The following ARL15 variants were observed in gnomAD, a reference collection of about 807,000 sequenced individuals.
The protein encoded by ARL15 is ADP-ribosylation factor-like protein 15.
ARL15 carries 19 observed loss-of-function variants against 25.2 expected under a neutral mutation model. The observed-to-expected ratio is 0.75, with a 90% confidence interval of 0.53 to 1.10. The LOEUF (loss-of-function observed/expected upper bound fraction) is 1.10, where lower values mean the gene tolerates loss of function less well. Ranked by LOEUF, ARL15 falls within the 50% of genes least tolerant of loss-of-function variation. The pLI, the probability that ARL15 is intolerant of heterozygous loss-of-function variation, is 0.00. For missense variants in ARL15, 220 were observed against 246.0 expected, an observed-to-expected ratio of 0.89 and a Z score of 0.71; for synonymous variants, 94 against 86.8, an observed-to-expected ratio of 1.08 and a Z score of -0.46.
intron 4 of ARL15, among the ~76,000 whole-genome samples, chr5:53,947,688 G>A (rs1259804870): frequency 6.6e-6 from 1 of 152,088 alleles, no homozygotes; most frequent in Non-Finnish European, 1.5e-5. Context: ...ATGCAGCTCT[G>A]GGACTAGACC....
At chr5:54,015,535 C>A (rs538225997) in intron 4 of ARL15, among the ~76,000 whole-genome samples, 13 of 152,060 alleles carry the variant, frequency 8.5e-5, no homozygotes, top group Non-Finnish European at 5.9e-5. Flanking sequence ...AAAATGATTA[C>A]GGATATTAGA....
At chr5:54,160,484 C>A (rs1273852323) in intron 2 of ARL15, among the ~76,000 whole-genome samples, 1 of 151,866 alleles carries the variant, frequency 6.6e-6, no homozygotes, top group African/African-American at 2.4e-5. Context: ...TTCCATTCCT[C>A]TGCTTCAAAA....
chr5:53,900,273 G>C (rs1350975188), intron 4 of ARL15, among the ~76,000 whole-genome samples: 1 of 152,182 alleles, frequency 6.6e-6, no homozygotes, highest in Non-Finnish European at 1.5e-5. Flanking sequence ...GAAAACTGCA[G>C]GTGTGATTGA....
intron 4 of ARL15, among the ~76,000 whole-genome samples, chr5:53,956,158 T>C (rs1182210552): frequency 6.6e-6 from 1 of 152,060 alleles, no homozygotes; most frequent in Non-Finnish European, 1.5e-5. Flanking sequence ...TTGTGGCTCC[T>C]GGCATTCAAG....
At position 54,049,393 on chromosome 5, in the gene ARL15, A is replaced by T. The variant is rs752303540; in HGVS notation, c.462+63809T>A. Among the ~76,000 whole-genome samples the T allele has an allele frequency of 1.0e-3, 155 of 152,172 alleles. 1 individual carries two copies. The highest frequency in any genetic ancestry group is 9.2e-4 in the Admixed American group (14 of 15,280). On this transcript the variant is annotated intron_variant, in intron 4 of 4. Coordinates refer to ENST00000504924, the MANE Select transcript of ARL15 (RefSeq NM_019087.3). ...TCAGCTGGGACTGCAGGCATGAGCC[A>T]CCATGCCCAGCACTATACATAGGTA...
chr5:54,140,014 G>C (rs1007733547), intron 3 of ARL15, among the ~76,000 whole-genome samples: 1 of 152,044 alleles, frequency 6.6e-6, no homozygotes, highest in African/African-American at 2.4e-5. Flanking sequence ...CCTACAACTT[G>C]ATAAATGTTT....
chr5:54,075,377 T>C (rs1350671691), intron 4 of ARL15: 1 of 153,092 alleles, frequency 6.5e-6, no homozygotes, highest in Non-Finnish European at 1.5e-5. Context: ...CTACTTTACA[T>C]AATTTTTCTA....
At chr5:54,286,751 G>A (rs1250392185) in intron 1 of ARL15, among the ~76,000 whole-genome samples, 1 of 151,996 alleles carries the variant, frequency 6.6e-6, no homozygotes, top group Non-Finnish European at 1.5e-5. Context: ...TTCTAACTTA[G>A]AGTAAAATAA....
chr5:54,008,506 C>T (rs1019547761), intron 4 of ARL15, among the ~76,000 whole-genome samples: 2 of 152,146 alleles, frequency 1.3e-5, no homozygotes, highest in African/African-American at 2.4e-5. Flanking sequence ...TGGCATTACA[C>T]GAAGCTAGAA....
chr5:54,187,033 G>A (rs1024575988), intron 1 of ARL15, among the ~76,000 whole-genome samples: 1 of 152,112 alleles, frequency 6.6e-6, no homozygotes, highest in Non-Finnish European at 1.5e-5. Flanking sequence ...TAACAGAAAA[G>A]CAATTCATTG....
At chr5:53,901,211 G>C (rs1745056075) in intron 4 of ARL15, among the ~76,000 whole-genome samples, 1 of 151,992 alleles carries the variant, frequency 6.6e-6, no homozygotes, top group Non-Finnish European at 1.5e-5. Context: ...TCTTTCAAAA[G>C]AGCATTCATT....
intron 4 of ARL15, among the ~76,000 whole-genome samples, chr5:53,937,622 A>ATGTT (rs1240643754): frequency 6.6e-6 from 1 of 152,182 alleles, no homozygotes; most frequent in African/African-American, 2.4e-5. Context: ...TATTCAGTAC[A>ATGTT]TGTTGTACAG....
chr5:53,974,358 G>T (rs702635), intron 4 of ARL15, among the ~76,000 whole-genome samples: 55,851 of 152,050 alleles, frequency 0.37, 11,167 homozygotes, highest in Middle Eastern at 0.47. Flanking sequence ...TAGGTGATTT[G>T]TTTTCCTCCT....
At chr5:54,121,830 T>C (rs1185594913) in intron 3 of ARL15, among the ~76,000 whole-genome samples, 2 of 152,192 alleles carry the variant, frequency 1.3e-5, no homozygotes, top group Non-Finnish European at 2.9e-5. Flanking sequence ...AAAATAATAA[T>C]ACTTAATTAC....
chr5:54,154,244 C>A, intron 3 of ARL15: 2 of 186,842 alleles, frequency 1.1e-5, no homozygotes, highest in Non-Finnish European at 1.1e-5. Context: ...AATCTTTTCC[C>A]CGAATAGTTG....
intron 1 of ARL15, among the ~76,000 whole-genome samples, chr5:54,253,996 C>G (rs959029682): frequency 4.6e-5 from 7 of 152,184 alleles, no homozygotes; most frequent in African/African-American, 1.7e-4. Flanking sequence ...AGATCACTAA[C>G]AAGTTTCTTA....
At chr5:54,058,212 C>T (rs1247025511) in intron 4 of ARL15, among the ~76,000 whole-genome samples, 1 of 151,798 alleles carries the variant, frequency 6.6e-6, no homozygotes, top group African/African-American at 2.4e-5. Flanking sequence ...CACCATGTTG[C>T]CCGGGCTGGT....
chr5:54,289,648 T>C (rs2112686560), intron 1 of ARL15, among the ~76,000 whole-genome samples: 1 of 152,282 alleles, frequency 6.6e-6, no homozygotes, highest in South Asian at 2.1e-4. Context: ...TAAGACTTTC[T>C]GGAATCAAAT....
chr5:54,075,141 C>T (rs867231873), intron 4 of ARL15, among the ~76,000 whole-genome samples: 59 of 144,920 alleles, frequency 4.1e-4, no homozygotes, highest in Admixed American at 1.5e-3. Flanking sequence ...TTAAAGTCTC[C>T]TGGCCCAAAG....
Sources: allele counts gnomAD v4.1 joint callset (sites outside exome capture counted in the v4.1 genomes callset), GRCh38; gene constraint gnomAD v4.1.1; transcripts MANE v1.5; gene names NCBI Gene and HGNC (gene_info 2026-07-23, HGNC 2026-07-21).